The following PHTF2 variants were observed in gnomAD, a reference collection of about 807,000 sequenced individuals.
PHTF2 encodes the protein protein PHTF2.
A neutral mutation model predicts 101.2 loss-of-function variants in PHTF2; 60 were observed. That is an observed-to-expected ratio of 0.59 (90% CI 0.48 to 0.73). PHTF2 has a LOEUF of 0.73. Ranked by LOEUF, PHTF2 falls within the 30% of genes least tolerant of loss-of-function variation. PHTF2 has a pLI of 0.00. For missense variants in PHTF2, 747 were observed against 908.7 expected (o/e 0.82, Z 2.29); for synonymous variants, 311 against 307.3 (o/e 1.01, Z -0.13).
intron 1 of PHTF2, among the ~76,000 whole-genome samples, chr7:77,817,848 G>A (rs1304567977): frequency 1.3e-5 from 2 of 152,104 alleles, no homozygotes; most frequent in African/African-American, 4.8e-5. Flanking sequence ...GGTGGCTCAT[G>A]CCTGTAATCC....
intron 7 of PHTF2, among the ~76,000 whole-genome samples, chr7:77,903,607 A>G (rs1012411363): frequency 1.3e-5 from 2 of 152,214 alleles, no homozygotes; most frequent in Non-Finnish European, 2.9e-5. Context: ...ATTAAATGAG[A>G]TATTTTTAAG....
chr7:77,855,482 C>G (rs1371763070), intron 3 of PHTF2, among the ~76,000 whole-genome samples: 1 of 152,198 alleles, frequency 6.6e-6, no homozygotes, highest in Non-Finnish European at 1.5e-5. Flanking sequence ...GCTGCCCCAG[C>G]TGCTATCTCA....
At chr7:77,886,751 A>T (rs563954817) in intron 3 of PHTF2, among the ~76,000 whole-genome samples, 2 of 152,248 alleles carry the variant, frequency 1.3e-5, no homozygotes, top group Admixed American at 6.5e-5. Context: ...CAGGGGAGGA[A>T]GTGATACAGT....
At chr7:77,950,076 A>G (rs1806407306) in intron 17 of PHTF2, among the ~76,000 whole-genome samples, 1 of 152,214 alleles carries the variant, frequency 6.6e-6, no homozygotes, top group African/African-American at 2.4e-5. Flanking sequence ...CATTTGTTAA[A>G]TTAATGTATT....
At chr7:77,838,693 G>T (rs997947618) in intron 1 of PHTF2, among the ~76,000 whole-genome samples, 2 of 152,048 alleles carry the variant, frequency 1.3e-5, no homozygotes, top group Non-Finnish European at 2.9e-5. Context: ...GAGAAATTCC[G>T]TGACTTATTC....
At position 77,865,911 on chromosome 7, in the gene PHTF2, C is replaced by T. The variant is rs375330496; in HGVS notation, c.147+11077C>T. ...ATTACATTAAGTATTAGGCTGGGCTCGGTGGCTCATGCCTGTAATCCCAGT... is the reference window on the plus strand; with the variant it reads ...ATTACATTAAGTATTAGGCTGGGCTTGGTGGCTCATGCCTGTAATCCCAGT... On this transcript the variant is annotated intron_variant, in intron 3 of 19. Transcript: ENST00000416283. Among the ~76,000 whole-genome samples the T allele has an allele frequency of 1.7e-4, 26 of 151,970 alleles. No individual in the cohort carries two copies. The South Asian group carries it at 1.9e-3, about 11-fold the overall frequency.
At chr7:77,936,268 T>G (rs1805118279) in intron 12 of PHTF2, among the ~76,000 whole-genome samples, 2 of 152,216 alleles carry the variant, frequency 1.3e-5, no homozygotes, top group South Asian at 4.1e-4. Flanking sequence ...TTTTGTCCTC[T>G]AAAGAATAAA....
chr7:77,840,682 G>A (rs1409788744), intron 2 of PHTF2, among the ~76,000 whole-genome samples: 4 of 151,954 alleles, frequency 2.6e-5, no homozygotes, highest in Non-Finnish European at 5.9e-5. Flanking sequence ...ATAGCTGAAT[G>A]TTTCAGTAAA....
chr7:77,944,593 A>G (rs560042065), intron 16 of PHTF2, among the ~76,000 whole-genome samples: 9 of 152,352 alleles, frequency 5.9e-5, no homozygotes, highest in Non-Finnish European at 1.2e-4. Context: ...ATGCGACTTC[A>G]GCCTAGACCT....
In PHTF2 at chr7:77,914,913, T is replaced by C. The variant is rs573701013; in HGVS notation, c.776+4504T>C. Among the ~76,000 whole-genome samples the C allele has an allele frequency of 5.3e-5, 8 of 152,326 alleles. No individual in the cohort carries two copies. In the South Asian group the frequency reaches 1.7e-3, roughly 32 times the overall value. On this transcript the variant is annotated intron_variant, in intron 9 of 19. Coordinates refer to ENST00000416283, the Ensembl canonical transcript of PHTF2. Reference sequence around the variant, plus strand: ...CTCATTATTATTGTTATTATTATTATTAGTTTTTTTGGGGTGGAGGATGGA... The same window carrying C: ...CTCATTATTATTGTTATTATTATTACTAGTTTTTTTGGGGTGGAGGATGGA...
chr7:77,944,667 A>C (rs1424937716), intron 16 of PHTF2, among the ~76,000 whole-genome samples: 1 of 152,206 alleles, frequency 6.6e-6, no homozygotes, highest in Non-Finnish European at 1.5e-5. Flanking sequence ...TCTAACATGA[A>C]GGAGTCAACA....
At chr7:77,860,956 G>A (rs569037865) in intron 3 of PHTF2, among the ~76,000 whole-genome samples, 14 of 151,932 alleles carry the variant, frequency 9.2e-5, no homozygotes, top group East Asian at 5.8e-4. Context: ...CTCCCACCTC[G>A]GCCTCCCAAA....
chr7:77,908,843 C>A (rs779772271), exon 8 of PHTF2: 39 of 1,612,426 alleles, frequency 2.4e-5, no homozygotes, highest in Non-Finnish European at 3.1e-5. Flanking sequence ...CAGCATACCT[C>A]TGACAGAGGT....
chr7:77,855,784 CATA>C (rs1797128623), intron 3 of PHTF2, among the ~76,000 whole-genome samples: 1 of 152,172 alleles, frequency 6.6e-6, no homozygotes, highest in Non-Finnish European at 1.5e-5. Flanking sequence ...TGCAAAGTCT[CATA>C]ATCACTACAC....
chr7:77,903,433 T>C (rs1055769357), intron 7 of PHTF2, among the ~76,000 whole-genome samples: 17 of 152,222 alleles, frequency 1.1e-4, no homozygotes, highest in African/African-American at 3.6e-4. Context: ...TGATTGTACA[T>C]CACAGTGCAT....
At chr7:77,898,684 G>GT (rs1480147963) in intron 5 of PHTF2, among the ~76,000 whole-genome samples, 1 of 152,062 alleles carries the variant, frequency 6.6e-6, no homozygotes. Context: ...TTTTATGTGT[G>GT]TTTCTGTTTA....
intron 1 of PHTF2, among the ~76,000 whole-genome samples, chr7:77,800,481 C>G (rs965757777): frequency 6.6e-6 from 1 of 152,126 alleles, no homozygotes; most frequent in South Asian, 2.1e-4. Flanking sequence ...TCTGGTGGAG[C>G]ATGAAAATGT....
intron 5 of PHTF2, among the ~76,000 whole-genome samples, chr7:77,894,465 A>G (rs1181081789): frequency 2.0e-5 from 3 of 152,208 alleles, no homozygotes; most frequent in Non-Finnish European, 2.9e-5. Context: ...GTTACTAAAG[A>G]TCAGTCCAAA....
At chr7:77,955,522 C>T (rs1338915332) in exon 20 of PHTF2, 1 of 152,500 alleles carries the variant, frequency 6.6e-6, no homozygotes, top group Non-Finnish European at 1.5e-5. Context: ...TAAAAATTAA[C>T]TAGTAATACT....
Sources: allele counts gnomAD v4.1 joint callset (sites outside exome capture counted in the v4.1 genomes callset), GRCh38; gene constraint gnomAD v4.1.1; transcripts MANE v1.5; gene names NCBI Gene and HGNC (gene_info 2026-07-23, HGNC 2026-07-21).